The following STK32B variants were observed in gnomAD, a reference collection of about 807,000 sequenced individuals.
STK32B encodes serine/threonine kinase 32B.
Under a neutral mutation model 52.6 loss-of-function variants are expected in STK32B, and 43 were observed. The observed-to-expected ratio is 0.82, with a 90% CI of 0.64 to 1.05. The LOEUF (loss-of-function observed/expected upper bound fraction) is 1.05. Ranked by LOEUF, STK32B falls within the 50% of genes least tolerant of loss-of-function variation. STK32B has a pLI of 0.00. For synonymous variants in STK32B, 238 were observed against 204.3 expected (o/e 1.17, Z -1.41); for missense variants, 621 against 534.6 (o/e 1.16, Z -1.59).
intron 1 of STK32B, among the ~76,000 whole-genome samples, chr4:5,105,650 G>A (rs1320052902): frequency 2.6e-5 from 4 of 151,684 alleles, no homozygotes; most frequent in Non-Finnish European, 4.4e-5. Flanking sequence ...TGCAAGCTCC[G>A]CCTCCCGGGT....
chr4:5,322,397 A>G (rs898679551), intron 3 of STK32B, among the ~76,000 whole-genome samples: 5 of 152,116 alleles, frequency 3.3e-5, no homozygotes, highest in Non-Finnish European at 7.3e-5. Context: ...CCTCCCCTCC[A>G]TCTGCTACCC....
At chr4:5,301,180 A>T (rs1191909044) in intron 3 of STK32B, among the ~76,000 whole-genome samples, 1 of 151,982 alleles carries the variant, frequency 6.6e-6, no homozygotes, top group Non-Finnish European at 1.5e-5. Context: ...TTCTGTTCCT[A>T]GCTTTCGTTG....
At chr4:5,029,595 TAAC>T in the STK32B span, among the ~76,000 whole-genome samples, 2 of 152,094 alleles carry the variant, frequency 1.3e-5, no homozygotes, top group African/African-American at 2.4e-5. Context: ...AAAGGTCTGT[TAAC>T]AACCCATACA....
In STK32B at chr4:5,460,869, C is replaced by G. The variant is rs796334295; in HGVS notation, c.909+641C>G. 6.6e-6 allele frequency among the ~76,000 whole-genome samples: 1 copy of G among 152,162 alleles called. No homozygotes were observed. Among genetic ancestry groups the G allele is most frequent in the African/African-American group, 2.4e-5 (1 of 41,440 alleles). ...GGCCAGGAGGGAACACATGCCACAC[C>G]AAAAAGGCTTCCAGAGGCCACGGTC... On this transcript the variant is annotated intron_variant, in intron 9 of 11. Coordinates refer to ENST00000282908, the MANE Select transcript of STK32B (RefSeq NM_018401.3). This position sits in a 1 kb window ranked among gnomAD's most constrained non-coding sequence, Gnocchi z 4.8.
chr4:5,080,816 CACTT>C (rs1267476663), intron 1 of STK32B, among the ~76,000 whole-genome samples: 1 of 152,112 alleles, frequency 6.6e-6, no homozygotes, highest in Non-Finnish European at 1.5e-5. Flanking sequence ...GAGATCTACT[CACTT>C]AGCAAATTTC....
chr4:5,158,138 T>C (rs1395561989), intron 2 of STK32B, among the ~76,000 whole-genome samples: 2 of 152,176 alleles, frequency 1.3e-5, no homozygotes, highest in African/African-American at 4.8e-5. Flanking sequence ...GATCCATTAC[T>C]GACCAGCTTG....
intron 7 of STK32B, 85 bp from the exon 8 acceptor site, chr4:5,456,722 C>T (rs774278721): frequency 4.2e-5 from 49 of 1,176,854 alleles, no homozygotes; most frequent in Non-Finnish European, 5.4e-5. Flanking sequence ...AATAAACCAT[C>T]CCTCATAATC....
At chr4:5,301,212 A>G (rs550601127) in intron 3 of STK32B, among the ~76,000 whole-genome samples, 1 of 152,146 alleles carries the variant, frequency 6.6e-6, no homozygotes, top group Non-Finnish European at 1.5e-5. Flanking sequence ...GTCTGTATTT[A>G]TGAAGGATAT....
intron 3 of STK32B, among the ~76,000 whole-genome samples, chr4:5,296,145 A>G (rs1729183540): frequency 6.6e-6 from 1 of 152,044 alleles, no homozygotes; most frequent in Admixed American, 6.6e-5. Flanking sequence ...TATGATTTAC[A>G]TTCTTTTGCA....
At chr4:5,244,795 T>A (rs543224583) in intron 3 of STK32B, among the ~76,000 whole-genome samples, 82 of 152,324 alleles carry the variant, frequency 5.4e-4, no homozygotes, top group African/African-American at 1.9e-3. Context: ...CTCACTGGTT[T>A]CAAAGAACAT....
chr4:5,131,034 C>T (rs901687479), intron 1 of STK32B, among the ~76,000 whole-genome samples: 5 of 152,180 alleles, frequency 3.3e-5, no homozygotes, highest in African/African-American at 1.2e-4. Context: ...CCCGTCACCC[C>T]CTTTTGATGT....
chr4:5,290,607 AT>A (rs917419237), intron 3 of STK32B, among the ~76,000 whole-genome samples: 2 of 151,342 alleles, frequency 1.3e-5, no homozygotes, highest in Non-Finnish European at 3.0e-5. Flanking sequence ...TAATTACTTA[AT>A]TTTTTTTAAA....
intron 3 of STK32B, among the ~76,000 whole-genome samples, chr4:5,225,239 C>T (rs927985314): frequency 6.6e-6 from 1 of 151,848 alleles, no homozygotes; most frequent in African/African-American, 2.4e-5. Context: ...GCTAGCTTGG[C>T]AAAACCCCAT....
intron 3 of STK32B, among the ~76,000 whole-genome samples, chr4:5,236,335 C>G (rs889712099): frequency 1.3e-5 from 2 of 151,460 alleles, no homozygotes; most frequent in Non-Finnish European, 2.9e-5. Flanking sequence ...AGCCTTTGTT[C>G]TTTTTTTTTA....
intron 6 of STK32B, among the ~76,000 whole-genome samples, chr4:5,433,243 C>A (rs1015551946): frequency 2.6e-5 from 4 of 152,130 alleles, no homozygotes; most frequent in Admixed American, 2.0e-4. Flanking sequence ...TGGTCAAATA[C>A]AAAGGCGGAA....
intron 3 of STK32B, among the ~76,000 whole-genome samples, chr4:5,176,329 C>T (rs181420878): frequency 6.6e-6 from 1 of 152,250 alleles, no homozygotes; most frequent in East Asian, 1.9e-4. Flanking sequence ...GTCCGGCACT[C>T]CCCAGTGAGA....
intron 3 of STK32B, among the ~76,000 whole-genome samples, chr4:5,285,100 GC>G (rs1248162988): frequency 4.6e-5 from 7 of 152,078 alleles, no homozygotes; most frequent in Non-Finnish European, 8.8e-5. Context: ...TGTCATAATA[GC>G]ATTTTAATTT....
At chr4:5,175,270 A>T (rs1450176634) in intron 3 of STK32B, among the ~76,000 whole-genome samples, 2 of 151,812 alleles carry the variant, frequency 1.3e-5, no homozygotes, top group East Asian at 1.9e-4. Context: ...AGCTCGGAGT[A>T]GTTTGATCTT....
At chr4:5,354,736 A>G (rs1336261742) in intron 4 of STK32B, among the ~76,000 whole-genome samples, 1 of 152,378 alleles carries the variant, frequency 6.6e-6, no homozygotes, top group Middle Eastern at 3.4e-3. Flanking sequence ...ACTCAAGGTG[A>G]TGGATATCCC....
Sources: allele counts gnomAD v4.1 joint callset (sites outside exome capture counted in the v4.1 genomes callset), GRCh38; gene constraint gnomAD v4.1.1; non-coding constraint Gnocchi (gnomAD v3.1); transcripts MANE v1.5; gene names NCBI Gene and HGNC (gene_info 2026-07-23, HGNC 2026-07-21).